Variants in PAGE2B observed in about 807,000 individuals in gnomAD.
The protein encoded by PAGE2B is putative G antigen family E member 3.
A neutral mutation model predicts 7.6 loss-of-function variants in PAGE2B; 5 were observed. The ratio of observed to expected loss-of-function variants is 0.66; its 90% CI spans 0.34 to 1.38. PAGE2B has a LOEUF of 1.38. Among genes scored for constraint, PAGE2B ranks in the 40% most tolerant of loss-of-function variants. PAGE2B has a pLI of 0.04. For missense variants in PAGE2B, 70 were observed against 78.4 expected (o/e 0.89, Z 0.41); for synonymous variants, 29 against 26.7 (o/e 1.09, Z -0.27).
the PAGE2B span, among the ~76,000 whole-genome samples, chrX:55,039,855 A>G: frequency 2.7e-5 from 3 of 112,081 alleles, no homozygotes; most frequent in East Asian, 8.4e-4. Context: ...GTTCTTTTCA[A>G]TAGCTTCTTC....
chrX:55,057,296 C>T, the PAGE2B span, among the ~76,000 whole-genome samples: 1 of 111,769 alleles, frequency 8.9e-6, no homozygotes, highest in Non-Finnish European at 1.9e-5. Flanking sequence ...ATGCTTGATT[C>T]ACGAGCTTGT....
chrX:55,077,903 G>A (rs200685252), intron 4 of PAGE2B, among the ~76,000 whole-genome samples: 1,557 of 105,347 alleles, frequency 0.015, 5 homozygotes, highest in African/African-American at 0.047. Context: ...GCTTGATGTA[G>A]CCATTTTACA....
the PAGE2B span, among the ~76,000 whole-genome samples, chrX:55,057,564 A>G: frequency 9.0e-6 from 1 of 110,917 alleles, no homozygotes; most frequent in Non-Finnish European, 1.9e-5. Context: ...AGTATGATGG[A>G]GTCCTAATGA....
the PAGE2B span, among the ~76,000 whole-genome samples, chrX:55,047,777 CT>C: frequency 8.9e-6 from 1 of 111,915 alleles, no homozygotes; most frequent in Admixed American, 9.5e-5. Context: ...TTGTTTCACT[CT>C]GATGGTAGTT....
rs1360560886 is a variant in PAGE2B at position 55,075,111 on chromosome X, G to A, written c.-12G>A. 8.6e-6 allele frequency: 1 copy of A among 115,803 alleles called. No individual in the cohort carries two copies. The highest frequency in any genetic ancestry group is 3.2e-5 in the African/African-American group (1 of 31,208). The allele number at this position is 115,803 out of a possible 1,213,427, so 9.5% of individuals were successfully genotyped here. ...ATTCTTTGTCACTGACCGAGACTCA[G>A]CCGGTAGGTCCGCAGAGCGGTCTTC... On this transcript the variant is annotated 5_prime_UTR_variant, in exon 1 of 5. Transcript: ENST00000374971.
At chrX:55,071,518 TTG>T (rs1242100853), upstream of PAGE2B, among the ~76,000 whole-genome samples, 1 of 111,450 alleles carries the variant, frequency 9.0e-6, no homozygotes, top group Admixed American at 9.6e-5. Flanking sequence ...AATCTGACCA[TTG>T]TGTGTCTTGG....
chrX:55,061,101 G>C, the PAGE2B span, among the ~76,000 whole-genome samples: 1 of 111,248 alleles, frequency 9.0e-6, no homozygotes, highest in Non-Finnish European at 1.9e-5. Flanking sequence ...AGCTGCTAGT[G>C]AAAGTCCAGT....
the PAGE2B span, among the ~76,000 whole-genome samples, chrX:55,032,161 A>T: frequency 1.8e-5 from 2 of 111,409 alleles, no homozygotes; most frequent in Non-Finnish European, 3.8e-5. Context: ...AAATATAAGC[A>T]TTCCTGGATC....
the PAGE2B span, among the ~76,000 whole-genome samples, chrX:55,052,544 A>T: frequency 8.9e-6 from 1 of 112,314 alleles, no homozygotes; most frequent in African/African-American, 3.2e-5. Context: ...GCCACCTTGC[A>T]GTTTGATCTC....
the PAGE2B span, among the ~76,000 whole-genome samples, chrX:55,059,187 C>T: frequency 9.0e-6 from 1 of 111,441 alleles, no homozygotes; most frequent in Non-Finnish European, 1.9e-5. Flanking sequence ...AGTCCAAGAT[C>T]GAGGTATATA....
At chrX:55,050,618 C>A in the PAGE2B span, among the ~76,000 whole-genome samples, 1 of 110,871 alleles carries the variant, frequency 9.0e-6, no homozygotes, top group Admixed American at 9.6e-5. Flanking sequence ...TTATCAGAGA[C>A]TAGGATTGCA....
the PAGE2B span, among the ~76,000 whole-genome samples, chrX:55,037,869 G>T: frequency 1.1e-5 from 1 of 90,654 alleles, no homozygotes; most frequent in Non-Finnish European, 2.1e-5. Context: ...CATGGACACA[G>T]GAAGGGGAAC....
chrX:55,052,650 C>T, the PAGE2B span, among the ~76,000 whole-genome samples: 63 of 112,947 alleles, frequency 5.6e-4, no homozygotes, highest in African/African-American at 2.0e-3. Flanking sequence ...TTGTTAAGCC[C>T]GTTGGAAAAG....
upstream of PAGE2B, among the ~76,000 whole-genome samples, chrX:55,071,070 G>C (rs1936443925): frequency 8.9e-6 from 1 of 111,945 alleles, no homozygotes; most frequent in Non-Finnish European, 1.9e-5. Flanking sequence ...ATTTGATCCT[G>C]CCATTATTAT....
chrX:55,055,050 G>A, the PAGE2B span: 1 of 111,015 alleles, frequency 9.0e-6, no homozygotes, highest in Non-Finnish European at 1.9e-5. Flanking sequence ...ACTATGTGTT[G>A]GTTCATATAA....
the PAGE2B span, among the ~76,000 whole-genome samples, chrX:55,061,960 G>A: frequency 2.7e-5 from 3 of 111,718 alleles, no homozygotes; most frequent in Admixed American, 2.8e-4. Flanking sequence ...GTACTCCATT[G>A]TGTATAAGTA....
At chrX:55,046,176 C>T in the PAGE2B span, among the ~76,000 whole-genome samples, 645 of 111,421 alleles carry the variant, frequency 5.8e-3, 2 homozygotes, top group African/African-American at 0.019. Flanking sequence ...TGCAGTGGCA[C>T]GATCTTGGCT....
At chrX:55,067,551 T>A in the PAGE2B span, among the ~76,000 whole-genome samples, 1 of 111,729 alleles carries the variant, frequency 9.0e-6, no homozygotes, top group African/African-American at 3.3e-5. Flanking sequence ...TGATTTATAA[T>A]CCTTTGGGTA....
the PAGE2B span, among the ~76,000 whole-genome samples, chrX:55,052,702 TCTGTCACCC>T: frequency 8.9e-6 from 1 of 112,974 alleles, no homozygotes; most frequent in East Asian, 2.8e-4. Flanking sequence ...CCAGGTGCCA[TCTGTCACCC>T]CTTTCTTTGA....
Sources: gnomAD v4.1 joint callset for allele counts (sites outside exome capture counted in the v4.1 genomes callset) on GRCh38, gnomAD v4.1.1 for gene constraint, MANE v1.5 for transcripts, NCBI Gene and HGNC (gene_info 2026-07-23, HGNC 2026-07-21) for gene names.